ADAM32: variants seen among roughly 807,000 people sequenced by gnomAD.
ADAM32 encodes ADAM metallopeptidase domain 32.
ADAM32 carries 89 observed loss-of-function variants against 114.9 expected under a neutral mutation model. That is an observed-to-expected ratio of 0.77 (90% CI 0.65 to 0.92). ADAM32 has a LOEUF of 0.92. Among genes scored for constraint, ADAM32 ranks in the 40% least tolerant of loss-of-function variants. The pLI is 0.00. For missense variants in ADAM32, 870 were observed against 932.8 expected (o/e 0.93, Z 0.88); for synonymous variants, 285 against 307.5 (o/e 0.93, Z 0.77).
chr8:39,220,089 A>G (rs1808849813), intron 12 of ADAM32, among the ~76,000 whole-genome samples: 1 of 152,114 alleles, frequency 6.6e-6, no homozygotes, highest in African/African-American at 2.4e-5. Flanking sequence ...GTGTTTTTGT[A>G]GGTTTAGAAG....
At chr8:39,272,101 G>GAAAAAAAAAAAAAAAAAAAAAAAAAACA (rs11366445) in intron 20 of ADAM32, among the ~76,000 whole-genome samples, 1 of 65,810 alleles carries the variant, frequency 1.5e-5, no homozygotes, top group Non-Finnish European at 2.9e-5. Context: ...GTGAGCTCCA[G>GAAAAAAAAAAAAAAAAAAAAAAAAAACA]AAAAAAAAAA....
rs559286221 is a variant in ADAM32, at chr8:39,208,302, T to A, written c.1053-2842T>A. ...GAAACAAACACAACCTGAAAAACTC[T>A]ACACTTTAACTCCCTTCTCCCCAAT... On this transcript the variant is annotated intron_variant, in intron 11 of 24. Transcript: ENST00000379907. Among the ~76,000 whole-genome samples, 9 of 152,286 alleles carry A rather than the reference T, an allele frequency of 5.9e-5. No homozygotes were observed. The South Asian group carries it at 1.7e-3, about 28-fold the overall frequency.
At chr8:39,166,473 AT>A (rs1804847179) in intron 9 of ADAM32, 1 of 152,122 alleles carries the variant, frequency 6.6e-6, no homozygotes, top group Admixed American at 6.5e-5. Context: ...TGATTTTGCA[AT>A]TGTGAATTGT....
intron 18 of ADAM32, 27 bp from the exon 19 acceptor site, chr8:39,257,160 T>G (rs1811699757): frequency 1.3e-6 from 2 of 1,494,824 alleles, no homozygotes; most frequent in Admixed American, 2.4e-5. Flanking sequence ...TTTTTTTGTT[T>G]TTTTTTTTTT....
chr8:39,107,681 G>T, upstream of ADAM32: 1 of 1,540,038 alleles, frequency 6.5e-7, no homozygotes. Flanking sequence ...TCCCATGAAC[G>T]TGCGGGGAGC....
intron 10 of ADAM32, among the ~76,000 whole-genome samples, chr8:39,184,371 A>AT (rs1430241945): frequency 1.3e-5 from 2 of 152,188 alleles, no homozygotes; most frequent in Non-Finnish European, 2.9e-5. Flanking sequence ...ATGTGCTAGT[A>AT]TTTCTATTCC....
chr8:39,136,527 A>G (rs1456333776), intron 2 of ADAM32, 130 bp from the exon 3 acceptor site: 11 of 575,824 alleles, frequency 1.9e-5, no homozygotes, highest in Non-Finnish European at 3.2e-5. Flanking sequence ...CACATTTTAA[A>G]TCACATGTAG....
At chr8:39,276,001 C>A in intron 22 of ADAM32, 135 bp downstream of exon 22, 4 of 704,668 alleles carry the variant, frequency 5.7e-6, no homozygotes, top group Admixed American at 3.6e-5. Flanking sequence ...TACCTTAAAA[C>A]AACCTATTTG....
chr8:39,176,116 A>G (rs1482925077), intron 10 of ADAM32, among the ~76,000 whole-genome samples: 1 of 151,768 alleles, frequency 6.6e-6, no homozygotes, highest in East Asian at 1.9e-4. Flanking sequence ...CTATTATATT[A>G]ATTTTTTCAA....
intron 11 of ADAM32, among the ~76,000 whole-genome samples, chr8:39,202,997 C>G (rs1332140153): frequency 6.6e-6 from 1 of 152,126 alleles, no homozygotes; most frequent in Non-Finnish European, 1.5e-5. Context: ...GTCTGAGAGA[C>G]AGTTTGTTAT....
chr8:39,113,163 G>T (rs576197397), intron 1 of ADAM32, among the ~76,000 whole-genome samples: 3 of 152,140 alleles, frequency 2.0e-5, no homozygotes, highest in Admixed American at 6.5e-5. Flanking sequence ...AGACTAGGAC[G>T]ATAAGAGGAT....
At position 39,225,289 on chromosome 8, in the gene ADAM32, C is replaced by T. The variant is rs1459829007; in HGVS notation, c.1525+2051C>T. 3.9e-5 allele frequency among the ~76,000 whole-genome samples: 6 copies of T among 152,256 alleles called. No homozygotes were observed. The South Asian group carries it at 6.2e-4, about 16-fold the overall frequency. On this transcript the variant is annotated intron_variant, in intron 14 of 24. Transcript: ENST00000379907. The stretch of plus-strand genomic sequence containing the variant: ...CTAGGAACTTTTGTTGCTCTACACC[C>T]ACATGTGCTTGAGACGCTGACTCTC...
At chr8:39,135,781 A>G (rs1221175991) in intron 2 of ADAM32, among the ~76,000 whole-genome samples, 1 of 152,044 alleles carries the variant, frequency 6.6e-6, no homozygotes. Flanking sequence ...ATATTTTCTC[A>G]TGTTCAGTGA....
At chr8:39,253,489 T>G (rs888894538) in intron 17 of ADAM32, among the ~76,000 whole-genome samples, 11 of 151,712 alleles carry the variant, frequency 7.3e-5, no homozygotes, top group African/African-American at 2.7e-4. Flanking sequence ...AAGTAGCTTC[T>G]GTTTGCAAAT....
intron 3 of ADAM32, among the ~76,000 whole-genome samples, chr8:39,137,925 G>A (rs1802902926): frequency 2.0e-5 from 3 of 152,192 alleles, no homozygotes. Context: ...ATGAAGGAAA[G>A]TTAGAGAGCT....
chr8:39,232,361 A>G (rs886342544), intron 15 of ADAM32, among the ~76,000 whole-genome samples: 4 of 152,098 alleles, frequency 2.6e-5, no homozygotes, highest in Non-Finnish European at 5.9e-5. Context: ...TTCTAAATCC[A>G]ATCCAAAGTT....
At chr8:39,124,887 G>A (rs1353185008) in intron 2 of ADAM32, among the ~76,000 whole-genome samples, 4 of 152,120 alleles carry the variant, frequency 2.6e-5, no homozygotes, top group African/African-American at 4.8e-5. Context: ...TAGGTCAAAT[G>A]GTATTTCTGC....
chr8:39,129,029 A>G (rs937964046), intron 2 of ADAM32, among the ~76,000 whole-genome samples: 1 of 151,794 alleles, frequency 6.6e-6, no homozygotes. Flanking sequence ...GATTGTTTCT[A>G]GTATATGGAA....
intron 19 of ADAM32, among the ~76,000 whole-genome samples, chr8:39,263,223 G>A (rs1206811089): frequency 6.6e-6 from 1 of 152,116 alleles, no homozygotes; most frequent in Non-Finnish European, 1.5e-5. Context: ...TATGGGTATG[G>A]AACTTTAGGT....
Sources: allele counts gnomAD v4.1 joint callset (sites outside exome capture counted in the v4.1 genomes callset), GRCh38; gene constraint gnomAD v4.1.1; transcripts MANE v1.5; gene names NCBI Gene and HGNC (gene_info 2026-07-23, HGNC 2026-07-21).